Variants in GDI2 observed in about 807,000 individuals in gnomAD.
GDI2 encodes GDP dissociation inhibitor 2.
In GDI2, 22 loss-of-function variants were observed where a neutral mutation model predicts 54.2. The ratio of observed to expected loss-of-function variants is 0.41; its 90% CI spans 0.29 to 0.58. The LOEUF is 0.58. Ranked by LOEUF, GDI2 falls within the 20% of genes least tolerant of loss-of-function variation. The pLI, the probability that GDI2 is intolerant of heterozygous loss-of-function variation, is 0.35. For missense variants in GDI2, 422 were observed against 546.0 expected, an observed-to-expected ratio of 0.77 and a Z score of 2.26; for synonymous variants, 177 against 182.1, an observed-to-expected ratio of 0.97 and a Z score of 0.23.
At chr10:5,786,564 CT>C (rs1432888713) in intron 4 of GDI2, among the ~76,000 whole-genome samples, 2 of 151,690 alleles carry the variant, frequency 1.3e-5, no homozygotes, top group Non-Finnish European at 2.9e-5. Context: ...CTTATAAAGT[CT>C]TCAATTCTAC....
At position 5,766,603 on chromosome 10, in the gene GDI2, C is replaced by T. The variant is rs1840340732; in HGVS notation, c.1027G>A (p.Val343Ile). Residue 343 changes from valine (V) to isoleucine (I), a missense_variant, in exon 9 of 11, where the codon GTA (valine) becomes ATA (isoleucine). Val to Ile is a conservative substitution (Grantham distance 29). Transcript: ENST00000380191. This position sits in a 1 kb window ranked among gnomAD's most constrained non-coding sequence, Gnocchi z 5.8. ...GCAATGTACTTCCCTTGTGCTGCTA[C>T]ATTGTGCGCAAAGGAGATCATGCAG... is the stretch of plus-strand genomic sequence containing the variant. ...YVCMISFAHN[V>I]AAQGKYIAIV... 6.2e-7 allele frequency: 1 copy of T among 1,613,286 alleles called. No individual in the cohort carries two copies. The highest frequency in any genetic ancestry group is 1.3e-5 in the African/African-American group (1 of 74,902).
intron 7 of GDI2, among the ~76,000 whole-genome samples, chr10:5,770,963 C>CAA (rs59686031): frequency 0.036 from 1,656 of 45,406 alleles, 70 homozygotes; most frequent in South Asian, 0.063. Context: ...GAGACTGTCT[C>CAA]AAAAAAAAAA....
rs1325922781 is a variant in GDI2, at chr10:5,774,791, C to T, written c.720-850G>A. Among the ~76,000 whole-genome samples, 1 of 152,136 alleles carries T rather than the reference C, an allele frequency of 6.6e-6. No individual in the cohort carries two copies. The highest frequency in any genetic ancestry group is 1.5e-5 in the Non-Finnish European group (1 of 68,044). On this transcript the variant is annotated intron_variant, in intron 6 of 10. Coordinates refer to ENST00000380191, the MANE Select transcript of GDI2 (RefSeq NM_001494.4). The surrounding 1 kb of genome is among the most constrained non-coding windows in gnomAD (Gnocchi z 4.8). ...CCAAAACCCCACACTGTCTATTCTC[C>T]TGTTTTTCCTTGTGTGTGTGTTCTA...
At chr10:5,800,484 A>T in intron 2 of GDI2, 114 bp downstream of exon 2, 1 of 692,272 alleles carries the variant, frequency 1.4e-6, no homozygotes, top group Non-Finnish European at 2.6e-6. Context: ...ACAGTGCTCC[A>T]GATATTCCAT....
chr10:5,795,908 G>A (rs955744685), intron 3 of GDI2, among the ~76,000 whole-genome samples: 1 of 151,292 alleles, frequency 6.6e-6, no homozygotes, highest in African/African-American at 2.4e-5. Flanking sequence ...GTGACAGAGT[G>A]AAACCCCTGT....
chr10:5,779,418 G>A (rs988929363), intron 6 of GDI2, among the ~76,000 whole-genome samples: 3 of 151,716 alleles, frequency 2.0e-5, no homozygotes, highest in African/African-American at 4.8e-5. Flanking sequence ...TGAGGCAGGA[G>A]AATCGCTTGA....
At chr10:5,802,367 G>A (rs771528469) in intron 1 of GDI2, among the ~76,000 whole-genome samples, 2 of 152,116 alleles carry the variant, frequency 1.3e-5, no homozygotes, top group Non-Finnish European at 1.5e-5. Context: ...TTGAGAGGCC[G>A]AGGCGGGTGG....
chr10:5,787,913 C>T (rs1426874382), intron 4 of GDI2, among the ~76,000 whole-genome samples: 4 of 152,116 alleles, frequency 2.6e-5, no homozygotes, highest in Admixed American at 6.5e-5. Context: ...CTTCTCTTTC[C>T]TCTCCTTTAT....
Position 5,785,894 on chromosome 10 carries a change from A to G in GDI2, c.545T>C (p.Ile182Thr), listed in dbSNP as rs750753689. 7 of 1,612,272 alleles carry G rather than the reference A, an allele frequency of 4.3e-6. No homozygotes were observed. Among genetic ancestry groups the G allele is most frequent in the Middle Eastern group, 3.3e-4 (2 of 6,028 alleles). Residue 182 changes from isoleucine (I) to threonine (T), a missense_variant, in exon 5 of 11, where the codon ATA (isoleucine) becomes ACA (threonine). Coordinates refer to ENST00000380191, the MANE Select transcript of GDI2 (RefSeq NM_001494.4). Reference protein sequence around the residue: ...YKKFDLGQDVIDFTGHALALY... With the variant: ...YKKFDLGQDVTDFTGHALALY... The stretch of plus-strand genomic sequence containing the variant: ...TGCAAGAGCATGACCAGTAAAATCT[A>G]TAACGTCTTGACCCAAATCAAATTT...
chr10:5,773,373 T>C (rs1479389486), intron 7 of GDI2, among the ~76,000 whole-genome samples: 3 of 152,190 alleles, frequency 2.0e-5, no homozygotes, highest in East Asian at 1.9e-4. Context: ...CTTGTGATTT[T>C]TTTTTTCAGT....
intron 1 of GDI2, among the ~76,000 whole-genome samples, chr10:5,804,991 G>A (rs561297210): frequency 3.3e-5 from 5 of 151,936 alleles, no homozygotes; most frequent in East Asian, 1.9e-4. Flanking sequence ...GCGCCACCAC[G>A]CCCAGCTAAT....
Position 5,774,303 on chromosome 10 carries a change from ATTCT to A in GDI2, c.720-366_720-363del, listed in dbSNP as rs1840568478. ...TCCTTCTACCTTATGCCCCTTGGTC[ATTCT>A]TTCTTCTGAGGAGAAAAGAACTGAG... On this transcript the variant is annotated intron_variant, in intron 6 of 10. Transcript: ENST00000380191. This position sits in a 1 kb window ranked among gnomAD's most constrained non-coding sequence, Gnocchi z 4.8. Among the ~76,000 whole-genome samples, 1 of 152,022 alleles carries A rather than the reference ATTCT, an allele frequency of 6.6e-6. No individual in the cohort carries two copies. Among genetic ancestry groups the A allele is most frequent in the South Asian group, 2.1e-4 (1 of 4,822 alleles).
In GDI2 at chr10:5,774,645, G is replaced by A. The variant is rs1840576723; in HGVS notation, c.720-704C>T. Among the ~76,000 whole-genome samples the A allele has an allele frequency of 6.6e-6, 1 of 152,114 alleles. No homozygotes were observed. The highest frequency in any genetic ancestry group is 1.5e-5 in the Non-Finnish European group (1 of 68,026). On this transcript the variant is annotated intron_variant, in intron 6 of 10. Transcript: ENST00000380191. The surrounding 1 kb of genome is among the most constrained non-coding windows in gnomAD (Gnocchi z 4.8). ...GATGGCTCTTCGGGGTCCACACTGA[G>A]CAGACCTGAGACACTAATGGCCCTC...
chr10:5,766,389 GAGCAGCC>G lies in GDI2; in HGVS notation c.1136+98_1137-95del, dbSNP rs1840334758. The G allele has an allele frequency of 6.7e-7, 1 of 1,500,074 alleles. No individual in the cohort carries two copies. Among genetic ancestry groups the G allele is most frequent in the Admixed American group, 1.7e-5 (1 of 59,860 alleles). 92.9% of individuals were successfully genotyped at this position (1,500,074 alleles called of 1,614,324 possible). A position where few individuals can be genotyped will look rare whatever the true frequency, so the allele number is the denominator to read the frequency against. On this transcript the variant is annotated intron_variant, in intron 9 of 10. Transcript: ENST00000380191. This position sits in a 1 kb window ranked among gnomAD's most constrained non-coding sequence, Gnocchi z 5.8. ...CTGAGAGGTACAGATGAATCCCACA[GAGCAGCC>G]AGCAGCTACCTGCCTTGCCCTCACA... is the stretch of plus-strand genomic sequence containing the variant.
chr10:5,800,654 T>C lies in GDI2; in HGVS notation c.97A>G (p.Met33Val), dbSNP rs764877548. ...MSVNGKKVLHMDRNPYYGGES... is the reference protein window; with the variant it reads ...MSVNGKKVLHVDRNPYYGGES... ...CCTCCGTAGTAAGGGTTTCGATCCA[T>C]ATGAAGAACTTTCTTGCCATTCACT... The change falls in exon 2 of 11, where the codon ATG (methionine) becomes GTG (valine). Residue 33 changes from methionine to valine, a missense_variant. Met to Val is a conservative substitution (Grantham distance 21). Coordinates refer to ENST00000380191, the MANE Select transcript of GDI2 (RefSeq NM_001494.4). 5.0e-6 allele frequency: 8 copies of C among 1,601,438 alleles called. No individual in the cohort carries two copies. The East Asian group carries it at 1.1e-4, about 22-fold the overall frequency.
chr10:5,811,786 T>C (rs1016801055), intron 1 of GDI2: 19 of 374,510 alleles, frequency 5.1e-5, no homozygotes, highest in Non-Finnish European at 7.2e-5. Flanking sequence ...TAACGAAGTA[T>C]TCAGAATGAA....
intron 7 of GDI2, among the ~76,000 whole-genome samples, chr10:5,773,346 G>A (rs1840542856): frequency 6.6e-6 from 1 of 152,074 alleles, no homozygotes; most frequent in Admixed American, 6.6e-5. Flanking sequence ...GTGATAAAGG[G>A]AAACGATCTT....
chr10:5,779,575 T>G (rs1382641661), intron 6 of GDI2, among the ~76,000 whole-genome samples: 1 of 151,468 alleles, frequency 6.6e-6, no homozygotes. Flanking sequence ...AAATTAAAAT[T>G]CACTGAATGA....
At chr10:5,779,432 C>T (rs141069797) in intron 6 of GDI2, among the ~76,000 whole-genome samples, 1,767 of 151,348 alleles carry the variant, frequency 0.012, 30 homozygotes, top group African/African-American at 0.039. Context: ...CGCTTGAACC[C>T]GGGAGGCAGA....
Sources: allele counts gnomAD v4.1 joint callset (sites outside exome capture counted in the v4.1 genomes callset), GRCh38; gene constraint gnomAD v4.1.1; non-coding constraint Gnocchi (gnomAD v3.1); transcripts MANE v1.5; gene names NCBI Gene and HGNC (gene_info 2026-07-23, HGNC 2026-07-21).